DLGAP1: variants seen among roughly 807,000 people sequenced by gnomAD.
DLGAP1 encodes disks large-associated protein 1.
A neutral mutation model predicts 90.8 loss-of-function variants in DLGAP1; 11 were observed. The observed-to-expected ratio is 0.12, with a 90% CI of 0.08 to 0.20. The LOEUF (loss-of-function observed/expected upper bound fraction) is 0.20, where lower values mean the gene tolerates loss of function less well. Ranked by LOEUF, DLGAP1 falls within the 10% of genes least tolerant of loss-of-function variation. The probability of loss-of-function intolerance (pLI) is 1.00; values close to 1 mark genes in which losing one functional copy is unlikely to be tolerated. For missense variants in DLGAP1, 1,050 were observed against 1,333.8 expected (o/e 0.79, Z 3.31); for synonymous variants, 558 against 540.7 (o/e 1.03, Z -0.44).
At chr18:3,762,427 T>C (rs1432519719) in intron 5 of DLGAP1, among the ~76,000 whole-genome samples, 1 of 152,238 alleles carries the variant, frequency 6.6e-6, no homozygotes, top group African/African-American at 2.4e-5. Flanking sequence ...GAATACAATG[T>C]GTTTCTTTCA....
chr18:4,315,105 T>C (rs902231893), intron 1 of DLGAP1, among the ~76,000 whole-genome samples: 1 of 152,184 alleles, frequency 6.6e-6, no homozygotes, highest in African/African-American at 2.4e-5. Flanking sequence ...GTCAAACTGC[T>C]AGGGTGGCCT....
In DLGAP1 at chr18:3,718,887, C is replaced by T. The variant is rs1289365642; in HGVS notation, c.1591+10248G>A. Among the ~76,000 whole-genome samples the T allele has an allele frequency of 2.1e-5, 3 of 143,244 alleles. No individual in the cohort carries two copies. The Admixed American group carries it at 2.2e-4, about 10-fold the overall frequency. The allele number at this position is 143,244 out of a possible 152,430, so 94.0% of individuals were successfully genotyped here. ...GTTGCAGTGAGCCGAGATTGCGCCA[C>T]TGCACTCCAGCCTGGGGGACGAGAG... On this transcript the variant is annotated intron_variant, in intron 7 of 12. Transcript: ENST00000315677.
chr18:4,252,232 T>C (rs2078794276), intron 1 of DLGAP1, among the ~76,000 whole-genome samples: 1 of 152,178 alleles, frequency 6.6e-6, no homozygotes, highest in African/African-American at 2.4e-5. Context: ...AGGAAGGTAT[T>C]CTATGGAATT....
intron 6 of DLGAP1, among the ~76,000 whole-genome samples, chr18:3,741,435 C>A (rs1277483676): frequency 6.6e-6 from 1 of 151,970 alleles, no homozygotes; most frequent in Non-Finnish European, 1.5e-5. Flanking sequence ...CCACCATCAC[C>A]ATCATCACTG....
intron 1 of DLGAP1, among the ~76,000 whole-genome samples, chr18:4,328,022 C>G (rs1230892920): frequency 3.3e-5 from 5 of 151,986 alleles, no homozygotes; most frequent in Admixed American, 2.6e-4. Context: ...CCCAGAGCAA[C>G]TACCATCTCT....
At chr18:4,277,113 C>A (rs571011719) in intron 1 of DLGAP1, among the ~76,000 whole-genome samples, 2 of 152,080 alleles carry the variant, frequency 1.3e-5, no homozygotes, top group Non-Finnish European at 2.9e-5. Context: ...TTTTTCCCTG[C>A]TAGTATAATG....
chr18:3,863,286 C>T (rs569774094), intron 4 of DLGAP1, among the ~76,000 whole-genome samples: 31 of 152,316 alleles, frequency 2.0e-4, no homozygotes, highest in Non-Finnish European at 4.1e-4. Flanking sequence ...CCTCATTTCA[C>T]CAAATAGGGA....
intron 7 of DLGAP1, among the ~76,000 whole-genome samples, chr18:3,622,110 CT>C (rs796466754): frequency 1.1e-3 from 160 of 145,330 alleles, no homozygotes; most frequent in Non-Finnish European, 1.0e-3. Flanking sequence ...TAAGCTGATT[CT>C]TTTTTTTTTT....
At chr18:4,365,161 T>C (rs1018504319) in intron 1 of DLGAP1, among the ~76,000 whole-genome samples, 1 of 152,122 alleles carries the variant, frequency 6.6e-6, no homozygotes, top group African/African-American at 2.4e-5. Flanking sequence ...TGAATGAAAA[T>C]AAATGCATAG....
chr18:4,090,226 CA>C (rs1368631795), intron 2 of DLGAP1, among the ~76,000 whole-genome samples: 2 of 152,040 alleles, frequency 1.3e-5, no homozygotes, highest in African/African-American at 4.8e-5. Context: ...GCAATTGCAA[CA>C]AAAGCAAAAA....
intron 2 of DLGAP1, among the ~76,000 whole-genome samples, chr18:4,134,260 C>T (rs1889544533): frequency 3.3e-5 from 5 of 151,998 alleles, no homozygotes. Flanking sequence ...TCTTCTCCTG[C>T]CCCCTAAAGA....
Position 3,729,215 on chromosome 18 carries a change from T to C in DLGAP1, c.1511A>G (p.Gln504Arg). 6.2e-7 allele frequency: 1 copy of C among 1,613,892 alleles called. No homozygotes were observed. Among genetic ancestry groups the C allele is most frequent in the Admixed American group, 1.7e-5 (1 of 60,006 alleles). ...YVRAIEKGCS[Q>R]DDECVSLRSS... ...CCTCAGGGACACGCACTCGTCGTCC[T>C]GGGAGCAGCCTTTCTCAATGGCCCG... The change falls in exon 7 of 13, where the codon CAG (glutamine) becomes CGG (arginine). Residue 504 changes from glutamine (Q) to arginine (R), a missense_variant. By Grantham distance (43) the Gln-to-Arg change is conservative (BLOSUM62 1). This residue lies in a region of DLGAP1 where 565 missense variants were observed against 879.7 expected (regional missense o/e 0.64). Coordinates refer to ENST00000315677, the MANE Select transcript of DLGAP1 (RefSeq NM_004746.4). The surrounding 1 kb of genome is among the most constrained non-coding windows in gnomAD (Gnocchi z 6.2).
chr18:4,338,669 T>C (rs112959082), intron 1 of DLGAP1, among the ~76,000 whole-genome samples: 2,703 of 152,256 alleles, frequency 0.018, 39 homozygotes, highest in Non-Finnish European at 0.027. Flanking sequence ...AGATGATAAA[T>C]ACGACAGACG....
intron 1 of DLGAP1, among the ~76,000 whole-genome samples, chr18:4,316,984 T>TCCCTC (rs1250387632): frequency 6.6e-6 from 1 of 151,522 alleles, no homozygotes; most frequent in Non-Finnish European, 1.5e-5. Flanking sequence ...CTGTCCTCCT[T>TCCCTC]CCCTCATGAC....
chr18:3,631,830 T>C (rs954938796), intron 7 of DLGAP1, among the ~76,000 whole-genome samples: 1 of 152,222 alleles, frequency 6.6e-6, no homozygotes, highest in African/African-American at 2.4e-5. Flanking sequence ...TCTCGCTCTG[T>C]GGAGTGCAAA....
chr18:4,158,745 T>C (rs752123412), intron 1 of DLGAP1, among the ~76,000 whole-genome samples: 5 of 152,142 alleles, frequency 3.3e-5, no homozygotes, highest in Non-Finnish European at 7.3e-5. Flanking sequence ...TAATATTCCA[T>C]TTGAAATGCC....
intron 2 of DLGAP1, among the ~76,000 whole-genome samples, chr18:4,109,545 AT>A (rs60087190): frequency 6.6e-6 from 1 of 151,700 alleles, no homozygotes; most frequent in African/African-American, 2.4e-5. Context: ...GGAGACCTGT[AT>A]TTTTTTTCAG....
rs145057761 is a variant in DLGAP1 at position 3,733,524 on chromosome 18, G to A, written c.1351-4149C>T. 3.3e-5 allele frequency among the ~76,000 whole-genome samples: 5 copies of A among 152,074 alleles called. No homozygotes were observed. In the East Asian group the frequency reaches 9.6e-4, roughly 29 times the overall value. Reference sequence around the variant, plus strand: ...TTGCCAGTGTTTTTTGGATATTGTGGGGTTTTTTTGTTTTGTTTTCACATC... The same window carrying A: ...TTGCCAGTGTTTTTTGGATATTGTGAGGTTTTTTTGTTTTGTTTTCACATC... On this transcript the variant is annotated intron_variant, in intron 6 of 12. Coordinates refer to ENST00000315677, the MANE Select transcript of DLGAP1 (RefSeq NM_004746.4).
chr18:4,159,067 A>G lies in DLGAP1; in HGVS notation c.-266-7780T>C, dbSNP rs544356222. Among the ~76,000 whole-genome samples, 18 of 152,314 alleles carry G rather than the reference A, an allele frequency of 1.2e-4. No homozygotes were observed. In the South Asian group the frequency reaches 3.7e-3, roughly 32 times the overall value. On this transcript the variant is annotated intron_variant, in intron 1 of 12. Transcript: ENST00000315677. ...TAAGAAGGCCCTTCTACCCTAATCC[A>G]TTTGAAAGAATGAGCAGTTGCCTAT... is the stretch of plus-strand genomic sequence containing the variant.
Sources: allele counts gnomAD v4.1 joint callset (sites outside exome capture counted in the v4.1 genomes callset), GRCh38; gene constraint gnomAD v4.1.1; regional missense constraint gnomAD v4.1.1; non-coding constraint Gnocchi (gnomAD v3.1); transcripts MANE v1.5; gene names NCBI Gene and HGNC (gene_info 2026-07-23, HGNC 2026-07-21).